Variants in SLIT3 observed in about 807,000 individuals in gnomAD.
The protein encoded by SLIT3 is slit guidance ligand 3, also known as slit homolog 3 protein.
SLIT3 carries 68 observed loss-of-function variants against 184.0 expected under a neutral mutation model. The observed-to-expected ratio is 0.37, with a 90% confidence interval of 0.30 to 0.45. SLIT3 has a LOEUF of 0.45. SLIT3 is among the 20% of genes least tolerant of loss of function. The probability of loss-of-function intolerance (pLI) is 1.00; values close to 1 mark genes in which losing one functional copy is unlikely to be tolerated. For synonymous variants in SLIT3, 831 were observed against 828.6 expected (o/e 1.00, Z -0.05); for missense variants, 1,707 against 2,026.0 (o/e 0.84, Z 3.02).
chr5:168,844,804 C>A, intron 5 of SLIT3, 149 bp from the exon 6 acceptor site: 1 of 641,082 alleles, frequency 1.6e-6, no homozygotes, highest in Admixed American at 2.4e-5. Flanking sequence ...CTGTCTGCCA[C>A]GCTGCTCCGT....
intron 4 of SLIT3, among the ~76,000 whole-genome samples, chr5:169,033,127 T>A (rs1052776655): frequency 1.7e-4 from 26 of 151,546 alleles, no homozygotes; most frequent in African/African-American, 6.3e-4. Flanking sequence ...GTAATCACTG[T>A]TTTGTTCTCT....
intron 3 of SLIT3, among the ~76,000 whole-genome samples, chr5:169,240,685 C>T (rs543663441): frequency 1.9e-4 from 28 of 145,406 alleles, no homozygotes; most frequent in Non-Finnish European, 3.7e-4. Flanking sequence ...CACTGACAAT[C>T]TATGTTTTTT....
intron 4 of SLIT3, among the ~76,000 whole-genome samples, chr5:168,997,270 G>T (rs1755544973): frequency 6.6e-6 from 1 of 152,098 alleles, no homozygotes; most frequent in African/African-American, 2.4e-5. Context: ...GGGTTGGGAA[G>T]GGGCAAACAC....
At chr5:168,820,568 T>G (rs1300269947) in intron 7 of SLIT3, among the ~76,000 whole-genome samples, 1 of 152,150 alleles carries the variant, frequency 6.6e-6, no homozygotes, top group Non-Finnish European at 1.5e-5. Context: ...GACAGGAGAC[T>G]AGCTCCAGAC....
At chr5:168,703,025 C>G (rs1582547663) in intron 26 of SLIT3, among the ~76,000 whole-genome samples, 1 of 152,186 alleles carries the variant, frequency 6.6e-6, no homozygotes, top group East Asian at 1.9e-4. Context: ...ATCCAGGAGG[C>G]AGAGCCTAGC....
At chr5:169,298,483 C>T (rs146028932) in intron 1 of SLIT3, among the ~76,000 whole-genome samples, 1 of 152,258 alleles carries the variant, frequency 6.6e-6, no homozygotes, top group East Asian at 1.9e-4. Context: ...TCTTGGTTTC[C>T]CAAACATGGA....
chr5:168,864,241 A>C (rs1333153330), intron 5 of SLIT3, among the ~76,000 whole-genome samples: 1 of 152,150 alleles, frequency 6.6e-6, no homozygotes, highest in Non-Finnish European at 1.5e-5. Context: ...TAATGCTTAA[A>C]AACACAAGTG....
intron 4 of SLIT3, among the ~76,000 whole-genome samples, chr5:168,969,404 T>C (rs62377239): frequency 0.04 from 6,042 of 152,328 alleles, 157 homozygotes; most frequent in Middle Eastern, 0.065. Context: ...AGCGTTTAAC[T>C]GGACGAAAAT....
At chr5:169,194,101 G>T (rs1204579055) in intron 3 of SLIT3, among the ~76,000 whole-genome samples, 1 of 151,906 alleles carries the variant, frequency 6.6e-6, no homozygotes, top group African/African-American at 2.4e-5. Context: ...TGGGCATCGT[G>T]CTGCATGCCT....
At chr5:168,933,323 C>T (rs1285618184) in intron 4 of SLIT3, among the ~76,000 whole-genome samples, 1 of 152,140 alleles carries the variant, frequency 6.6e-6, no homozygotes, top group African/African-American at 2.4e-5. Context: ...GCGGGTGGAT[C>T]ATGAGCTCAG....
At chr5:169,188,260 C>T (rs988058680) in intron 4 of SLIT3, among the ~76,000 whole-genome samples, 15 of 152,312 alleles carry the variant, frequency 9.8e-5, no homozygotes, top group South Asian at 4.1e-4. Context: ...TTTCCAGCCA[C>T]GCAGAGGATT....
chr5:168,772,706 G>T, intron 14 of SLIT3, 75 bp downstream of exon 14: 1 of 1,538,722 alleles, frequency 6.5e-7, no homozygotes, highest in Non-Finnish European at 9.0e-7. Context: ...CTGTCCTCCA[G>T]ATTGGATTAT....
At chr5:168,695,863 A>T (rs1420911447) in intron 28 of SLIT3, among the ~76,000 whole-genome samples, 1 of 152,144 alleles carries the variant, frequency 6.6e-6, no homozygotes, top group Non-Finnish European at 1.5e-5. Context: ...TATGAGAAGG[A>T]ACTCTGTCTT....
intron 12 of SLIT3, among the ~76,000 whole-genome samples, chr5:168,782,060 C>G (rs532868237): frequency 6.6e-6 from 1 of 152,258 alleles, no homozygotes; most frequent in East Asian, 1.9e-4. Context: ...GTAAGTAGTT[C>G]TTGTGAAACA....
intron 1 of SLIT3, among the ~76,000 whole-genome samples, chr5:169,291,049 G>A (rs1407206202): frequency 6.6e-6 from 1 of 152,130 alleles, no homozygotes; most frequent in Admixed American, 6.5e-5. Context: ...ATGAATCAGG[G>A]GTCAGGAACC....
intron 5 of SLIT3, among the ~76,000 whole-genome samples, chr5:168,876,580 C>T (rs543791888): frequency 6.6e-6 from 1 of 152,328 alleles, no homozygotes; most frequent in East Asian, 1.9e-4. Context: ...GTTCCTTCTT[C>T]CTGCAATACA....
At chr5:169,049,303 G>C (rs1341551010) in intron 4 of SLIT3, among the ~76,000 whole-genome samples, 5 of 152,046 alleles carry the variant, frequency 3.3e-5, no homozygotes, top group Admixed American at 6.6e-5. Context: ...TGTTCGACGT[G>C]GTGGGGGAGG....
intron 5 of SLIT3, among the ~76,000 whole-genome samples, chr5:168,865,128 GT>G (rs1469844104): frequency 7.2e-6 from 1 of 139,096 alleles, no homozygotes; most frequent in Non-Finnish European, 1.5e-5. Flanking sequence ...AGCCAAGATT[GT>G]GCCATTGTAC....
chr5:169,088,396 G>T (rs905417013), intron 4 of SLIT3, among the ~76,000 whole-genome samples: 1 of 145,298 alleles, frequency 6.9e-6, no homozygotes, highest in Non-Finnish European at 1.5e-5. Context: ...CTTTTTCTTC[G>T]ATTTTTTTTT....
Sources: gnomAD v4.1 joint callset for allele counts (sites outside exome capture counted in the v4.1 genomes callset) on GRCh38, gnomAD v4.1.1 for gene constraint, MANE v1.5 for transcripts, NCBI Gene and HGNC (gene_info 2026-07-23, HGNC 2026-07-21) for gene names.